VXN: variants seen among roughly 807,000 people sequenced by gnomAD.
The protein encoded by VXN is vexin, also known as uncharacterized protein C8orf46.
In VXN, 7 loss-of-function variants were observed where a neutral mutation model predicts 23.1. The observed-to-expected ratio is 0.30, with a 90% CI of 0.17 to 0.57. VXN has a LOEUF of 0.57. Among genes scored for constraint, VXN ranks in the 20% least tolerant of loss-of-function variants. The probability of loss-of-function intolerance (pLI) is 0.91; values close to 1 mark genes in which losing one functional copy is unlikely to be tolerated. For missense variants in VXN, 238 were observed against 272.6 expected (o/e 0.87, Z 0.89); for synonymous variants, 120 against 105.8 (o/e 1.13, Z -0.83).
chr8:66,508,605 C>G (rs897560485), intron 3 of VXN, among the ~76,000 whole-genome samples: 14 of 152,174 alleles, frequency 9.2e-5, no homozygotes, highest in Non-Finnish European at 1.8e-4. Context: ...AGATTGCCTT[C>G]CCTGTGTCTC....
intron 3 of VXN, among the ~76,000 whole-genome samples, chr8:66,508,064 G>T (rs1274328720): frequency 6.6e-6 from 1 of 152,046 alleles, no homozygotes; most frequent in Non-Finnish European, 1.5e-5. Context: ...GCTGCCTCCA[G>T]GACTTCTTCA....
chr8:66,512,471 A>G (rs571393693), intron 4 of VXN, among the ~76,000 whole-genome samples: 2 of 152,276 alleles, frequency 1.3e-5, no homozygotes, highest in African/African-American at 2.4e-5. Context: ...TGGTGACTTG[A>G]AGCCTTGGAT....
intron 2 of VXN, among the ~76,000 whole-genome samples, chr8:66,499,221 G>GTTTTT (rs759637693): frequency 1.6e-4 from 17 of 109,644 alleles, no homozygotes; most frequent in East Asian, 4.8e-4. Context: ...TATTGGGTTG[G>GTTTTT]TTTTTTTTTT....
At chr8:66,505,625 C>A in intron 3 of VXN, 97 bp downstream of exon 3, 1 of 1,369,266 alleles carries the variant, frequency 7.3e-7, no homozygotes, top group Non-Finnish European at 9.5e-7. Flanking sequence ...TTGGCGGTGG[C>A]TGCGGCCTCA....
At chr8:66,499,622 G>A (rs7005518) in intron 2 of VXN, among the ~76,000 whole-genome samples, 4,115 of 151,808 alleles carry the variant, frequency 0.027, 200 homozygotes, top group African/African-American at 0.093. Context: ...GTGGCACCAT[G>A]TCGGCTCACT....
intron 3 of VXN, among the ~76,000 whole-genome samples, chr8:66,507,916 C>G (rs1204718117): frequency 6.6e-6 from 1 of 152,148 alleles, no homozygotes; most frequent in African/African-American, 2.4e-5. Flanking sequence ...CACCTGGATG[C>G]AGTAGCCGTC....
chr8:66,508,866 G>A (rs1443788288), intron 3 of VXN, among the ~76,000 whole-genome samples: 1 of 152,158 alleles, frequency 6.6e-6, no homozygotes, highest in African/African-American at 2.4e-5. Flanking sequence ...GTGGTGGTGT[G>A]CACCTGTGGT....
chr8:66,516,359 T>C lies in VXN; in HGVS notation c.*283T>C, dbSNP rs1439781765. On this transcript the variant is annotated 3_prime_UTR_variant, in exon 6 of 6. Coordinates refer to ENST00000305454, the MANE Select transcript of VXN (RefSeq NM_152765.4). The stretch of plus-strand genomic sequence containing the variant: ...TATCTTTAAGCAAAAAATTAAACTT[T>C]CCCAGCTCATTTTAAAGACCTCCAA... The C allele has an allele frequency of 8.4e-6, 2 of 236,816 alleles. No individual in the cohort carries two copies. The highest frequency in any genetic ancestry group is 4.5e-5 in the African/African-American group (2 of 44,402). The allele number at this position is 236,816 out of a possible 1,614,324, so 14.7% of individuals were successfully genotyped here.
Position 66,518,226 on chromosome 8 carries a change from T to C in VXN, c.*2150T>C, listed in dbSNP as rs1042390152. 2 of 152,270 alleles carry C rather than the reference T, an allele frequency of 1.3e-5. No individual in the cohort carries two copies. Among genetic ancestry groups the C allele is most frequent in the African/African-American group, 4.8e-5 (2 of 41,464 alleles). 9.4% of individuals were successfully genotyped at this position (152,270 alleles called of 1,614,324 possible). Reference sequence around the variant, plus strand: ...CAGGATTTTGCTGTGTTGCCCAGACTGGTCTCAAACTCCTGGGTTCAAGAG... The same window carrying C: ...CAGGATTTTGCTGTGTTGCCCAGACCGGTCTCAAACTCCTGGGTTCAAGAG... On this transcript the variant is annotated 3_prime_UTR_variant, in exon 6 of 6. Coordinates refer to ENST00000305454, the MANE Select transcript of VXN (RefSeq NM_152765.4).
At chr8:66,494,391 T>C (rs1330452175) in intron 1 of VXN, among the ~76,000 whole-genome samples, 3 of 152,184 alleles carry the variant, frequency 2.0e-5, no homozygotes, top group Non-Finnish European at 4.4e-5. Context: ...CCTCAGCCTC[T>C]CCTAAGCATG....
chr8:66,505,890 A>G (rs1017982206), intron 3 of VXN, among the ~76,000 whole-genome samples: 1 of 151,952 alleles, frequency 6.6e-6, no homozygotes, highest in Non-Finnish European at 1.5e-5. Flanking sequence ...CCCTGGGCTC[A>G]AGCCATCCTC....
chr8:66,500,929 C>A (rs1215220059), intron 2 of VXN, among the ~76,000 whole-genome samples: 1 of 147,526 alleles, frequency 6.8e-6, no homozygotes. Flanking sequence ...GCTGGAGTGC[C>A]ATGGCGTGAT....
At chr8:66,505,594 C>T in intron 3 of VXN, 66 bp downstream of exon 3, 1 of 1,423,118 alleles carries the variant, frequency 7.0e-7, no homozygotes, top group Non-Finnish European at 9.2e-7. Flanking sequence ...AGAGCCACCA[C>T]AAGCCCAGGT....
At chr8:66,501,876 T>G (rs1474530183) in intron 2 of VXN, among the ~76,000 whole-genome samples, 1 of 152,236 alleles carries the variant, frequency 6.6e-6, no homozygotes, top group Non-Finnish European at 1.5e-5. Context: ...AGTCTTTGTC[T>G]TCTCCAACTT....
chr8:66,510,183 G>T, intron 4 of VXN, 26 bp downstream of exon 4: 1 of 1,575,614 alleles, frequency 6.3e-7, no homozygotes, highest in Non-Finnish European at 8.7e-7. Flanking sequence ...CTGCTTAGTT[G>T]TATCTGTTGT....
intron 5 of VXN, among the ~76,000 whole-genome samples, chr8:66,514,857 C>T (rs993007108): frequency 1.3e-5 from 2 of 152,266 alleles, no homozygotes; most frequent in African/African-American, 4.8e-5. Flanking sequence ...GGCGGGGCTC[C>T]AGACTACACT....
At chr8:66,512,065 C>CAAAAAAAAAA (rs35689084) in intron 4 of VXN, among the ~76,000 whole-genome samples, 1 of 68,328 alleles carries the variant, frequency 1.5e-5, no homozygotes, top group African/African-American at 5.5e-5. Flanking sequence ...AACTCAGTTT[C>CAAAAAAAAAA]AAAAAAAAAA....
At position 66,496,454 on chromosome 8, in the gene VXN, A is replaced by G. The variant is rs1273092516; in HGVS notation, c.88A>G (p.Arg30Gly). The change falls in exon 2 of 6, where the codon AGA (arginine) becomes GGA (glycine). Residue 30 changes from arginine (R) to glycine (G), a missense_variant. Physicochemically the swap from Arg to Gly is moderately radical, Grantham distance 125. Coordinates refer to ENST00000305454, the MANE Select transcript of VXN (RefSeq NM_152765.4). ...CTTTGCAGTATCCAGTCCAGCCAGAAGAAGAGCCAAAAGCTCTCAGCACCT... is the reference window on the plus strand; with the variant it reads ...CTTTGCAGTATCCAGTCCAGCCAGAGGAAGAGCCAAAAGCTCTCAGCACCT... Reference protein sequence around the residue: ...IPSKVSSPARRRAKSSQHLLT... With the variant: ...IPSKVSSPARGRAKSSQHLLT... 1.2e-6 allele frequency: 2 copies of G among 1,614,210 alleles called. No individual in the cohort carries two copies. Among genetic ancestry groups the G allele is most frequent in the East Asian group, 2.2e-5 (1 of 44,882 alleles).
intron 2 of VXN, among the ~76,000 whole-genome samples, chr8:66,498,597 T>C (rs377597118): frequency 6.6e-6 from 1 of 152,264 alleles, no homozygotes; most frequent in African/African-American, 2.4e-5. Context: ...CTATATCCTT[T>C]AAATCTTTTG....
Sources: allele counts gnomAD v4.1 joint callset (sites outside exome capture counted in the v4.1 genomes callset), GRCh38; gene constraint gnomAD v4.1.1; transcripts MANE v1.5; gene names NCBI Gene and HGNC (gene_info 2026-07-23, HGNC 2026-07-21).